Variants in ZNF610 observed in about 807,000 individuals in gnomAD.
ZNF610 encodes zink finger protein.
In ZNF610, 14 loss-of-function variants were observed where a neutral mutation model predicts 14.1. The observed-to-expected ratio is 0.99, with a 90% CI of 0.65 to 1.55. The LOEUF is 1.55. ZNF610 is among the 40% of genes most tolerant of loss of function. ZNF610 has a pLI of 0.00. For missense variants in ZNF610, 530 were observed against 558.0 expected (o/e 0.95, Z 0.51); for synonymous variants, 185 against 187.6 (o/e 0.99, Z 0.11).
At chr19:52,332,270 C>G (rs1464945721), upstream of ZNF610, among the ~76,000 whole-genome samples, 1 of 152,200 alleles carries the variant, frequency 6.6e-6, no homozygotes, top group East Asian at 1.9e-4. The surrounding 1 kb of genome is among the most constrained non-coding windows in gnomAD (Gnocchi z 4.1). Flanking sequence ...CAGACACTAA[C>G]TAACCTCCTG....
At chr19:52,353,646 T>C in intron 3 of ZNF610, 36 bp from the exon 4 acceptor site, 1 of 1,607,724 alleles carries the variant, frequency 6.2e-7, no homozygotes, top group South Asian at 1.1e-5. Context: ...AATTTCTACA[T>C]TTTTAGTGTT....
chr19:52,356,845 C>G (rs1476600263), intron 5 of ZNF610, among the ~76,000 whole-genome samples: 1 of 152,218 alleles, frequency 6.6e-6, no homozygotes, highest in African/African-American at 2.4e-5. Flanking sequence ...GGGCAAAACT[C>G]AAACCGTATC....
At chr19:52,351,708 A>G (rs1424668225) in intron 3 of ZNF610, among the ~76,000 whole-genome samples, 1 of 152,022 alleles carries the variant, frequency 6.6e-6, no homozygotes, top group Non-Finnish European at 1.5e-5. Flanking sequence ...CCGCACCGCC[A>G]CCTAGTATCT....
chr19:52,336,133 C>G (rs1297316499), upstream of ZNF610: 1 of 164,444 alleles, frequency 6.1e-6, no homozygotes, highest in Non-Finnish European at 1.3e-5. Context: ...GCTGCTCCAG[C>G]CTCACTGCCA....
intron 5 of ZNF610, among the ~76,000 whole-genome samples, chr19:52,357,340 A>G (rs980937620): frequency 6.6e-6 from 1 of 152,094 alleles, no homozygotes; most frequent in Non-Finnish European, 1.5e-5. Flanking sequence ...ATGAGACGTT[A>G]TCTCTACAAA....
rs201439857 is a variant in ZNF610, at chr19:52,354,580, ATT to A, written c.319+224_319+225del. Among the ~76,000 whole-genome samples the A allele has an allele frequency of 9.0e-3, 1,113 of 123,332 alleles. 7 individuals carry two copies. Among genetic ancestry groups the A allele is most frequent in the African/African-American group, 0.033 (1,039 of 31,530 alleles). The allele number at this position is 123,332 out of a possible 152,430, so 80.9% of individuals were successfully genotyped here. A position where few individuals can be genotyped will look rare whatever the true frequency, so the allele number is the denominator to read the frequency against. ...CCACTGCACCTTGCAAAGCCATACTATTTTTTTTTTTTTTTTTTTTTTTTGTC... is the reference window on the plus strand; with the variant it reads ...CCACTGCACCTTGCAAAGCCATACTATTTTTTTTTTTTTTTTTTTTTTGTC... On this transcript the variant is annotated intron_variant, in intron 5 of 5. Coordinates refer to ENST00000403906, the MANE Select transcript of ZNF610 (RefSeq NM_001161425.2).
chr19:52,365,563 C>G, intron 5 of ZNF610, 135 bp from the exon 6 acceptor site: 1 of 806,294 alleles, frequency 1.2e-6, no homozygotes, highest in Non-Finnish European at 2.0e-6. Context: ...GTTTTCAGCT[C>G]TCACAATGTG....
At chr19:52,349,797 C>T (rs1465227125) in intron 3 of ZNF610, among the ~76,000 whole-genome samples, 1 of 152,116 alleles carries the variant, frequency 6.6e-6, no homozygotes, top group African/African-American at 2.4e-5. Flanking sequence ...TCTCGAACCC[C>T]TGACCTCGTG....
chr19:52,349,595 C>CA (rs1985147694), intron 3 of ZNF610, among the ~76,000 whole-genome samples: 1 of 146,712 alleles, frequency 6.8e-6, no homozygotes, highest in Admixed American at 6.8e-5. Flanking sequence ...TTTTTTGAGA[C>CA]AGAGTCTTGC....
In ZNF610 at chr19:52,349,169, A is replaced by C. The variant is rs369401719; in HGVS notation, c.-4A>C. The C allele has an allele frequency of 3.1e-6, 5 of 1,613,030 alleles. No individual in the cohort carries two copies. In the African/African-American group the frequency reaches 6.7e-5, roughly 22 times the overall value. On this transcript the variant is annotated 5_prime_UTR_variant, in exon 3 of 6. Transcript: ENST00000403906. ...TGACATTTAGGATTGACTTATAAAC[A>C]GTCATGCTATGTGATGAAGAAGCCC...
chr19:52,364,723 A>G (rs1985936279), intron 5 of ZNF610, among the ~76,000 whole-genome samples: 1 of 152,136 alleles, frequency 6.6e-6, no homozygotes, highest in South Asian at 2.1e-4. Context: ...GATTACAGGC[A>G]TGTGCCAGCA....
chr19:52,356,164 G>T (rs2560983), intron 5 of ZNF610, among the ~76,000 whole-genome samples: 42,409 of 151,842 alleles, frequency 0.28, 7,710 homozygotes, highest in African/African-American at 0.52. Context: ...ATGTATGTAT[G>T]TATTCTTATT....
chr19:52,365,355 G>T (rs10401360), intron 5 of ZNF610, among the ~76,000 whole-genome samples: 2,460 of 152,146 alleles, frequency 0.016, 48 homozygotes, highest in African/African-American at 0.051. Context: ...AGCTTTATGC[G>T]TATATTATAC....
At chr19:52,351,525 G>A (rs577270370) in intron 3 of ZNF610, among the ~76,000 whole-genome samples, 2 of 151,396 alleles carry the variant, frequency 1.3e-5, no homozygotes, top group Non-Finnish European at 2.9e-5. Context: ...CAGGGACCAT[G>A]TGTGCCATTC....
chr19:52,341,849 C>G (rs1984706444), intron 1 of ZNF610, among the ~76,000 whole-genome samples: 2 of 150,854 alleles, frequency 1.3e-5, no homozygotes, highest in African/African-American at 4.9e-5. Flanking sequence ...TGCTCCCAGT[C>G]TCCCAGGCTG....
chr19:52,350,625 C>G (rs1485190714), intron 3 of ZNF610, among the ~76,000 whole-genome samples: 4 of 152,046 alleles, frequency 2.6e-5, no homozygotes, highest in African/African-American at 4.8e-5. Flanking sequence ...TTGCAGTGAG[C>G]CAAGGTCACG....
At chr19:52,360,557 G>C (rs532017372) in intron 5 of ZNF610, among the ~76,000 whole-genome samples, 1 of 152,142 alleles carries the variant, frequency 6.6e-6, no homozygotes, top group Admixed American at 6.5e-5. Flanking sequence ...TTTATATAAG[G>C]CTTCTGTATG....
At chr19:52,333,782 C>T (rs1258098212), upstream of ZNF610, among the ~76,000 whole-genome samples, 1 of 152,180 alleles carries the variant, frequency 6.6e-6, no homozygotes, top group Non-Finnish European at 1.5e-5. Context: ...ATGCTGTGCC[C>T]TTCTCAGAAA....
chr19:52,336,193 G>GC (rs1408539158), upstream of ZNF610: 1 of 180,556 alleles, frequency 5.5e-6, no homozygotes, highest in Non-Finnish European at 1.2e-5. Flanking sequence ...GGGAAGCCCC[G>GC]CCCCGTCCCG....
Sources: gnomAD v4.1 joint callset for allele counts (sites outside exome capture counted in the v4.1 genomes callset) on GRCh38, gnomAD v4.1.1 for gene constraint, Gnocchi (gnomAD v3.1) non-coding constraint, MANE v1.5 for transcripts, NCBI Gene and HGNC (gene_info 2026-07-23, HGNC 2026-07-21) for gene names.